Variants in DAB1 observed in about 807,000 individuals in gnomAD.
DAB1 encodes disabled homolog 1.
A neutral mutation model predicts 64.6 loss-of-function variants in DAB1; 15 were observed. That is an observed-to-expected ratio of 0.23 (90% confidence interval 0.16 to 0.36). The LOEUF (loss-of-function observed/expected upper bound fraction) is 0.36. DAB1 is among the 10% of genes least tolerant of loss of function. DAB1 has a pLI of 1.00. For synonymous variants in DAB1, 235 were observed against 251.9 expected, an observed-to-expected ratio of 0.93 and a Z score of 0.64; for missense variants, 596 against 706.7, an observed-to-expected ratio of 0.84 and a Z score of 1.78.
chr1:58,427,264 G>A (rs1229459159), intron 3 of DAB1, among the ~76,000 whole-genome samples: 1 of 152,108 alleles, frequency 6.6e-6, no homozygotes, highest in Non-Finnish European at 1.5e-5. Flanking sequence ...TAAGACCAAG[G>A]TAGTGGGGTC....
intron 5 of DAB1, among the ~76,000 whole-genome samples, chr1:58,142,918 T>A (rs987584844): frequency 7.9e-5 from 12 of 152,140 alleles, no homozygotes; most frequent in African/African-American, 2.7e-4. Context: ...TGCCATAAGT[T>A]CTCTAAGGCA....
chr1:57,676,985 G>A (rs1646574796), intron 6 of DAB1, among the ~76,000 whole-genome samples: 1 of 152,154 alleles, frequency 6.6e-6, no homozygotes, highest in Non-Finnish European at 1.5e-5. Context: ...GCTCCATTGT[G>A]ACTGTATATG....
At chr1:58,464,628 C>T (rs1645276466) in intron 3 of DAB1, among the ~76,000 whole-genome samples, 1 of 152,162 alleles carries the variant, frequency 6.6e-6, no homozygotes, top group Non-Finnish European at 1.5e-5. Flanking sequence ...TCGGATATAG[C>T]ATCAATATAA....
At chr1:57,613,919 G>T (rs1645758319) in intron 7 of DAB1, among the ~76,000 whole-genome samples, 1 of 152,154 alleles carries the variant, frequency 6.6e-6, no homozygotes, top group Non-Finnish European at 1.5e-5. Flanking sequence ...GTAGAAAGGG[G>T]ATAATAGTGT....
chr1:57,001,569 G>A (rs1000636073), intron 14 of DAB1, among the ~76,000 whole-genome samples: 4 of 152,114 alleles, frequency 2.6e-5, no homozygotes, highest in African/African-American at 4.8e-5. Flanking sequence ...CCAGTCTCCT[G>A]CCTGAAACAG....
intron 4 of DAB1, among the ~76,000 whole-genome samples, chr1:58,315,348 C>G (rs1305864451): frequency 6.6e-6 from 1 of 152,168 alleles, no homozygotes; most frequent in Non-Finnish European, 1.5e-5. Context: ...ATTGCTCCAA[C>G]TTACTCCATT....
intron 1 of DAB1, among the ~76,000 whole-genome samples, chr1:58,538,291 T>C (rs1433145667): frequency 2.0e-5 from 3 of 152,094 alleles, no homozygotes; most frequent in Non-Finnish European, 4.4e-5. Flanking sequence ...GGGAACAGAA[T>C]AGAAAGAAAA....
rs1345397314 is a variant in DAB1 at position 57,518,546 on chromosome 1, A to G, written n.625+131046T>C. 3.9e-5 allele frequency among the ~76,000 whole-genome samples: 6 copies of G among 152,224 alleles called. No individual in the cohort carries two copies. The East Asian group carries it at 9.6e-4, about 24-fold the overall frequency. On this transcript the variant is annotated intron_variant and non_coding_transcript_variant, in intron 7 of 20. Coordinates refer to the DAB1 transcript ENST00000485760. ...ACTGTCTGAAATGTCTGGTGCAATAAAGAATCTGATTCCTTTTTTTCATGT... is the reference window on the plus strand; with the variant it reads ...ACTGTCTGAAATGTCTGGTGCAATAGAGAATCTGATTCCTTTTTTTCATGT...
chr1:58,077,195 T>C (rs79607875), intron 5 of DAB1, among the ~76,000 whole-genome samples: 1 of 152,024 alleles, frequency 6.6e-6, no homozygotes, highest in Admixed American at 6.6e-5. Context: ...CACTGACCAG[T>C]CACAAGTACA....
rs1489874803 is a variant in DAB1 at position 58,174,605 on chromosome 1, G to C, written n.310-24017C>G. On this transcript the variant is annotated intron_variant and non_coding_transcript_variant, in intron 4 of 20. Transcript: ENST00000485760. ...GTGTCCTGTTTAGAGGGGGGATTGAGAGGTGAAGCCAGCTGGGCTTCTGGG... is the reference window on the plus strand; with the variant it reads ...GTGTCCTGTTTAGAGGGGGGATTGACAGGTGAAGCCAGCTGGGCTTCTGGG... 2.6e-5 allele frequency among the ~76,000 whole-genome samples: 4 copies of C among 152,222 alleles called. 1 individual carries two copies. In the South Asian group the frequency reaches 6.2e-4, roughly 24 times the overall value.
At chr1:57,965,085 T>A (rs182217710) in intron 5 of DAB1, among the ~76,000 whole-genome samples, 3 of 81,786 alleles carry the variant, frequency 3.7e-5, no homozygotes, top group South Asian at 3.1e-4. Flanking sequence ...AGAGATATGG[T>A]AGGGTATTGA....
chr1:57,984,101 T>A (rs1324622437), intron 5 of DAB1, among the ~76,000 whole-genome samples: 3 of 150,926 alleles, frequency 2.0e-5, no homozygotes, highest in Non-Finnish European at 2.9e-5. Context: ...ACTTATAAAT[T>A]GTTGTAAAAA....
chr1:58,436,243 C>G (rs894705798), intron 3 of DAB1, among the ~76,000 whole-genome samples: 2 of 152,080 alleles, frequency 1.3e-5, no homozygotes, highest in Admixed American at 1.3e-4. Flanking sequence ...CATGGAGTGC[C>G]AAGAATTTTT....
chr1:58,332,393 T>C (rs1339483201), intron 4 of DAB1, among the ~76,000 whole-genome samples: 1 of 152,170 alleles, frequency 6.6e-6, no homozygotes, highest in Non-Finnish European at 1.5e-5. Flanking sequence ...CTTTTCTCCA[T>C]ACAGGAATAC....
chr1:58,182,833 T>C (rs1656871851), intron 4 of DAB1, among the ~76,000 whole-genome samples: 1 of 152,024 alleles, frequency 6.6e-6, no homozygotes, highest in Non-Finnish European at 1.5e-5. Flanking sequence ...TTTTTCTGAG[T>C]ATGGGTCATA....
At chr1:57,723,418 G>A (rs947043723) in intron 6 of DAB1, among the ~76,000 whole-genome samples, 3 of 152,130 alleles carry the variant, frequency 2.0e-5, no homozygotes, top group Admixed American at 6.6e-5. Flanking sequence ...ATTTGTCTGT[G>A]CTTGTTTGCT....
At chr1:58,536,774 A>C in intron 1 of DAB1, 1 of 859,480 alleles carries the variant, frequency 1.2e-6, no homozygotes, top group Non-Finnish European at 2.0e-6. Flanking sequence ...AAGTTCTGAA[A>C]ATCATTCCAG....
At chr1:58,359,801 C>T (rs979460484) in intron 3 of DAB1, among the ~76,000 whole-genome samples, 1 of 152,088 alleles carries the variant, frequency 6.6e-6, no homozygotes. Flanking sequence ...ATGATGATAA[C>T]AAAGATGATG....
intron 5 of DAB1, among the ~76,000 whole-genome samples, chr1:58,117,616 GTC>G (rs1652416897): frequency 6.6e-6 from 1 of 152,088 alleles, no homozygotes; most frequent in African/African-American, 2.4e-5. Flanking sequence ...TTCTACCGCT[GTC>G]ACACAGAATC....
Sources: gnomAD v4.1 joint callset for allele counts (sites outside exome capture counted in the v4.1 genomes callset) on GRCh38, gnomAD v4.1.1 for gene constraint, MANE v1.5 for transcripts, NCBI Gene and HGNC (gene_info 2026-07-23, HGNC 2026-07-21) for gene names.